The following NAALAD2 variants were observed in gnomAD, a reference collection of about 807,000 sequenced individuals.
NAALAD2 encodes N-acetylated alpha-linked acidic dipeptidase 2, also known as N-acetylated-alpha-linked acidic dipeptidase 2.
NAALAD2 carries 89 observed loss-of-function variants against 95.6 expected under a neutral mutation model. The ratio of observed to expected loss-of-function variants is 0.93; its 90% CI spans 0.78 to 1.11. The LOEUF is 1.11. NAALAD2 is among the 50% of genes least tolerant of loss of function. The pLI is 0.00. For missense variants in NAALAD2, 894 were observed against 872.4 expected (o/e 1.02, Z -0.31); for synonymous variants, 264 against 294.4 (o/e 0.90, Z 1.06).
intron 16 of NAALAD2, among the ~76,000 whole-genome samples, chr11:90,181,067 G>A (rs896627524): frequency 5.3e-5 from 8 of 152,056 alleles, no homozygotes; most frequent in Non-Finnish European, 1.0e-4. Context: ...TGATACTGAG[G>A]TATGACTGTA....
chr11:90,168,600 G>C (rs140959684), intron 11 of NAALAD2, among the ~76,000 whole-genome samples: 6 of 152,308 alleles, frequency 3.9e-5, no homozygotes, highest in East Asian at 3.9e-4. Flanking sequence ...CAGGGCCCTA[G>C]AATATGGGAG....
At chr11:90,137,255 C>G (rs918523735) in intron 2 of NAALAD2, among the ~76,000 whole-genome samples, 5 of 150,804 alleles carry the variant, frequency 3.3e-5, no homozygotes, top group African/African-American at 1.2e-4. Context: ...TCAATGGGTA[C>G]AAAAATACAG....
intron 2 of NAALAD2, among the ~76,000 whole-genome samples, chr11:90,136,393 A>C (rs1347182092): frequency 6.6e-6 from 1 of 152,182 alleles, no homozygotes; most frequent in Non-Finnish European, 1.5e-5. Flanking sequence ...CACCTCCTCC[A>C]TCATGCTACA....
In NAALAD2 at chr11:90,163,585, T is replaced by C. The variant is rs2134920712; in HGVS notation, c.1246T>C (p.Phe416Leu). ...IIFASWDAEE[F>L]GLLGSTEWAE... is the part of the protein sequence containing the mutation. ...TTTTGCCAGCTGGGATGCAGAAGAA[T>C]TTGGACTTCTGGGTTCCACAGAATG... Residue 416 changes from phenylalanine to leucine, a missense_variant, in exon 11 of 19, where the codon TTT becomes CTT. Coordinates refer to ENST00000534061, the MANE Select transcript of NAALAD2 (RefSeq NM_005467.4). 1 of 1,614,080 alleles carries C rather than the reference T, an allele frequency of 6.2e-7. No homozygotes were observed. The highest frequency in any genetic ancestry group is 2.2e-5 in the East Asian group (1 of 44,868).
rs1228081309 is a variant in NAALAD2, at chr11:90,177,998, C to G, written c.1739C>G (p.Ser580Cys). ...RGALVYELVD[S>C]KIIPFNIQDY... ...GCACTGGTATATGAGCTTGTGGATT[C>G]TAAAATCATTCCTTTTAATATTCAA... is the stretch of plus-strand genomic sequence containing the variant. Residue 580 changes from serine to cysteine, a missense_variant, in exon 16 of 19, where the codon TCT (serine) becomes TGT (cysteine). Physicochemically the swap from Ser to Cys is moderately radical, Grantham distance 112. Coordinates refer to ENST00000534061, the MANE Select transcript of NAALAD2 (RefSeq NM_005467.4). The G allele has an allele frequency of 1.2e-6, 2 of 1,613,812 alleles. No homozygotes were observed. The highest frequency in any genetic ancestry group is 3.3e-5 in the Admixed American group (2 of 59,990).
rs566175012 is a variant in NAALAD2 at position 90,149,001 on chromosome 11, G to T, written c.382-5G>T. 2 of 1,548,212 alleles carry T rather than the reference G, an allele frequency of 1.3e-6. No individual in the cohort carries two copies. Among genetic ancestry groups the T allele is most frequent in the African/African-American group, 2.8e-5 (2 of 72,448 alleles). On this transcript the variant is annotated splice_polypyrimidine_tract_variant and splice_region_variant and intron_variant, in intron 3 of 18. Transcript: ENST00000534061. ...TCTAACTTGACATATTTTAATTCTT[G>T]CTAGATTTTCAAAACATCATACCTT...
At position 90,152,476 on chromosome 11, in the gene NAALAD2, CAGCAAA is replaced by C. The variant is rs766156333; in HGVS notation, c.791_796del (p.Ala264_Lys265del). 6.2e-7 allele frequency: 1 copy of C among 1,608,958 alleles called. No individual in the cohort carries two copies. The highest frequency in any genetic ancestry group is 1.3e-5 in the African/African-American group (1 of 74,844). On this transcript the variant is annotated inframe_deletion and splice_region_variant, in exon 6 of 19. Coordinates refer to ENST00000534061, the MANE Select transcript of NAALAD2 (RefSeq NM_005467.4). ...GGTGACCCACTCACTCCAGGCTATCCAGCAAAAGGTAAGGGATGAGCCTATCAGTCC... is the reference window on the plus strand; with the variant it reads ...GGTGACCCACTCACTCCAGGCTATCCAGGTAAGGGATGAGCCTATCAGTCC...
chr11:90,171,506 T>G (rs1437896700), intron 13 of NAALAD2, among the ~76,000 whole-genome samples: 1 of 152,174 alleles, frequency 6.6e-6, no homozygotes, highest in Non-Finnish European at 1.5e-5. Context: ...AACAGGAATT[T>G]ATGATTTGTG....
intron 12 of NAALAD2, chr11:90,169,503 C>T (rs1284452159): frequency 6.8e-6 from 1 of 147,906 alleles, no homozygotes; most frequent in East Asian, 1.9e-4. Context: ...GAGACCCTGA[C>T]TCTCAAAAAA....
chr11:90,155,202 A>G (rs1952026345), intron 6 of NAALAD2, among the ~76,000 whole-genome samples: 1 of 127,910 alleles, frequency 7.8e-6, no homozygotes, highest in Non-Finnish European at 1.6e-5. Context: ...ATGTGTGTAT[A>G]TATTATATAC....
chr11:90,173,184 TATAC>T (rs1952689650), intron 13 of NAALAD2, among the ~76,000 whole-genome samples: 2 of 152,040 alleles, frequency 1.3e-5, no homozygotes, highest in African/African-American at 4.8e-5. Flanking sequence ...AATGTATATA[TATAC>T]ACACACACAC....
rs16916594 is a variant in NAALAD2, at chr11:90,158,023, A to G, written c.797-122A>G. On this transcript the variant is annotated intron_variant, in intron 6 of 18. Coordinates refer to ENST00000534061, the MANE Select transcript of NAALAD2 (RefSeq NM_005467.4). ...TGTGAGCCACCACGCCTGGCCAGGA[A>G]CTTTTAATTTTGGCATAATTGCAAA... 8,812 of 751,410 alleles carry G rather than the reference A, an allele frequency of 0.012. 591 individuals carry two copies. The African/African-American group carries it at 0.14, about 12-fold the overall frequency. 46.5% of individuals were successfully genotyped at this position (751,410 alleles called of 1,614,324 possible).
At chr11:90,143,091 A>AT (rs1951662806) in intron 2 of NAALAD2, among the ~76,000 whole-genome samples, 1 of 152,174 alleles carries the variant, frequency 6.6e-6, no homozygotes, top group South Asian at 2.1e-4. Flanking sequence ...TTAATGTTAT[A>AT]TTTTTTCTTT....
Position 90,163,038 on chromosome 11 carries a change from A to T in NAALAD2, c.1075+4A>T. ...ATCAGAGGATCTGTGGAACCTGGTG[A>T]GTCACATAATTTTTTAAAACATTTT... is the stretch of plus-strand genomic sequence containing the variant. On this transcript the variant is annotated splice_donor_region_variant and intron_variant, in intron 9 of 18. Transcript: ENST00000534061. The T allele has an allele frequency of 6.5e-7, 1 of 1,532,586 alleles. No individual in the cohort carries two copies. Among genetic ancestry groups the T allele is most frequent in the Non-Finnish European group, 8.8e-7 (1 of 1,131,338 alleles). 94.9% of individuals were successfully genotyped at this position (1,532,586 alleles called of 1,614,324 possible). A position where few individuals can be genotyped will look rare whatever the true frequency, so the allele number is the denominator to read the frequency against.
chr11:90,171,601 C>T (rs1952638127), intron 13 of NAALAD2, among the ~76,000 whole-genome samples: 1 of 152,116 alleles, frequency 6.6e-6, no homozygotes, highest in Admixed American at 6.5e-5. Flanking sequence ...ACATCTGTGC[C>T]TCTTTGTACA....
At chr11:90,155,402 A>ATTACATG (rs1952050438) in intron 6 of NAALAD2, among the ~76,000 whole-genome samples, 5 of 82,200 alleles carry the variant, frequency 6.1e-5, no homozygotes, top group South Asian at 3.4e-4. Context: ...TATATAATAT[A>ATTACATG]TATAATGTAA....
intron 6 of NAALAD2, among the ~76,000 whole-genome samples, chr11:90,156,163 T>C (rs1034963270): frequency 6.6e-6 from 1 of 152,058 alleles, no homozygotes; most frequent in Non-Finnish European, 1.5e-5. Flanking sequence ...ATTAGTTTTA[T>C]TGATCTCAGA....
At chr11:90,138,662 T>G (rs764104593) in intron 2 of NAALAD2, among the ~76,000 whole-genome samples, 14 of 151,632 alleles carry the variant, frequency 9.2e-5, no homozygotes, top group Non-Finnish European at 1.6e-4. Context: ...TGTTAATTTT[T>G]CTGGTGTCTA....
chr11:90,151,127 A>G (rs1951877829), intron 5 of NAALAD2, among the ~76,000 whole-genome samples: 1 of 152,098 alleles, frequency 6.6e-6, no homozygotes, highest in Non-Finnish European at 1.5e-5. Context: ...CTAGATCCAT[A>G]TCACCTGGGT....
Sources: gnomAD v4.1 joint callset for allele counts (sites outside exome capture counted in the v4.1 genomes callset) on GRCh38, gnomAD v4.1.1 for gene constraint, MANE v1.5 for transcripts, NCBI Gene and HGNC (gene_info 2026-07-23, HGNC 2026-07-21) for gene names.